The following SPOP variants were observed in gnomAD, a reference collection of about 807,000 sequenced individuals.
The protein encoded by SPOP is speckle type BTB/POZ protein.
A neutral mutation model predicts 45.6 loss-of-function variants in SPOP; 11 were observed. The ratio of observed to expected loss-of-function variants is 0.24; its 90% CI spans 0.15 to 0.40. SPOP has a LOEUF of 0.40. SPOP is among the 10% of genes least tolerant of loss of function. The probability of loss-of-function intolerance (pLI) is 1.00; values close to 1 mark genes in which losing one functional copy is unlikely to be tolerated. For synonymous variants in SPOP, 166 were observed against 166.3 expected (o/e 1.00, Z 0.01); for missense variants, 152 against 465.6 (o/e 0.33, Z 6.20).
intron 1 of SPOP, among the ~76,000 whole-genome samples, chr17:49,625,161 G>A (rs1263221912): frequency 6.6e-6 from 1 of 152,118 alleles, no homozygotes; most frequent in Non-Finnish European, 1.5e-5. Context: ...CTAGAGAAAC[G>A]CTAAACGTGG....
In SPOP at chr17:49,622,044, G is replaced by A; in HGVS notation, c.102C>T (p.Tyr34=). The change falls in exon 3 of 10, where the codon TAC becomes TAT. Residue 34 remains tyrosine, a synonymous_variant. Transcript: ENST00000504102. ...YTQIKVVKFS[Y]MWTINNFSFC... ...AGCTAAAGTTATTGATGGTCCACATGTAGGAGAATTTCACTACCTTGATCT... is the reference window on the plus strand; with the variant it reads ...AGCTAAAGTTATTGATGGTCCACATATAGGAGAATTTCACTACCTTGATCT... The A allele has an allele frequency of 6.2e-7, 1 of 1,613,914 alleles. No homozygotes were observed. Among genetic ancestry groups the A allele is most frequent in the East Asian group, 2.2e-5 (1 of 44,856 alleles).
At chr17:49,641,018 T>G (rs1296221230) in intron 1 of SPOP, among the ~76,000 whole-genome samples, 1 of 152,080 alleles carries the variant, frequency 6.6e-6, no homozygotes, top group Non-Finnish European at 1.5e-5. Flanking sequence ...ATACCAGCAC[T>G]TTGATATGCC....
At chr17:49,602,354 G>A in intron 8 of SPOP, 1 of 194,686 alleles carries the variant, frequency 5.1e-6, no homozygotes, top group Non-Finnish European at 1.1e-5. Context: ...CAATTACAGT[G>A]AGGCATCAGT....
intron 1 of SPOP, among the ~76,000 whole-genome samples, chr17:49,634,894 G>A (rs2072515304): frequency 6.6e-6 from 1 of 152,140 alleles, no homozygotes; most frequent in Admixed American, 6.5e-5. Flanking sequence ...CCTGCTCCAG[G>A]GGATTTGGTC....
At chr17:49,627,478 A>G (rs2072357890) in intron 1 of SPOP, among the ~76,000 whole-genome samples, 2 of 152,226 alleles carry the variant, frequency 1.3e-5, no homozygotes, top group African/African-American at 4.8e-5. Context: ...CAGGGTGGCA[A>G]TGAAGGTTTG....
At chr17:49,667,616 C>A (rs1203358564) in intron 1 of SPOP, among the ~76,000 whole-genome samples, 1 of 152,056 alleles carries the variant, frequency 6.6e-6, no homozygotes, top group African/African-American at 2.4e-5. Flanking sequence ...AAGTATTAGG[C>A]TGCAGAGAGG....
chr17:49,656,855 A>C (rs1368831987), intron 1 of SPOP, among the ~76,000 whole-genome samples: 3 of 152,176 alleles, frequency 2.0e-5, no homozygotes, highest in Admixed American at 2.0e-4. Flanking sequence ...ACAACTTATC[A>C]GATGGAAAGA....
At chr17:49,609,676 CTT>C in intron 6 of SPOP, among the ~76,000 whole-genome samples, 1 of 152,156 alleles carries the variant, frequency 6.6e-6, no homozygotes, top group African/African-American at 2.4e-5. Context: ...TGAAAAACTG[CTT>C]TCATAGCATG....
intron 1 of SPOP, among the ~76,000 whole-genome samples, chr17:49,664,204 T>C (rs1316116781): frequency 6.6e-6 from 1 of 152,228 alleles, no homozygotes; most frequent in African/African-American, 2.4e-5. Context: ...GAGAAGAATA[T>C]GCACAATTGT....
chr17:49,653,719 CA>C (rs568818250), intron 1 of SPOP, among the ~76,000 whole-genome samples: 2 of 148,866 alleles, frequency 1.3e-5, no homozygotes, highest in South Asian at 2.1e-4. Context: ...AGAGTGGGTA[CA>C]AAAAAAACCT....
intron 1 of SPOP, among the ~76,000 whole-genome samples, chr17:49,627,379 C>T (rs1412040317): frequency 2.0e-5 from 3 of 152,158 alleles, no homozygotes; most frequent in African/African-American, 7.2e-5. Flanking sequence ...TTTATTTTTC[C>T]ATTAACAAGT....
intron 1 of SPOP, chr17:49,668,167 C>T (rs367963310): frequency 9.2e-5 from 14 of 152,224 alleles, no homozygotes; most frequent in African/African-American, 3.1e-4. Flanking sequence ...TGTTGCATAA[C>T]AATGTGAATA....
intron 1 of SPOP, among the ~76,000 whole-genome samples, chr17:49,659,855 C>T (rs1318766290): frequency 2.6e-5 from 4 of 152,184 alleles, no homozygotes; most frequent in African/African-American, 7.2e-5. Context: ...ATTCCTATCT[C>T]CCACCCTCAT....
At chr17:49,653,363 AAAAC>A (rs138843541) in intron 1 of SPOP, among the ~76,000 whole-genome samples, 3,777 of 152,008 alleles carry the variant, frequency 0.025, 67 homozygotes, top group Non-Finnish European at 0.042. Flanking sequence ...TTATATCCTC[AAAAC>A]AAACAAACAA....
At chr17:49,618,033 CA>C (rs572190723) in intron 5 of SPOP, among the ~76,000 whole-genome samples, 4 of 152,068 alleles carry the variant, frequency 2.6e-5, no homozygotes, top group Non-Finnish European at 5.9e-5. Context: ...CCCTGCTACT[CA>C]GGTGGTGATA....
At chr17:49,643,219 T>A (rs940272655) in intron 1 of SPOP, among the ~76,000 whole-genome samples, 6 of 152,216 alleles carry the variant, frequency 3.9e-5, no homozygotes, top group Non-Finnish European at 7.3e-5. Context: ...CAGAGTGTGT[T>A]ATTAGAGAAG....
At chr17:49,629,690 A>G (rs1373745540) in intron 1 of SPOP, among the ~76,000 whole-genome samples, 1 of 152,214 alleles carries the variant, frequency 6.6e-6, no homozygotes, top group African/African-American at 2.4e-5. Flanking sequence ...CACCCTCTGA[A>G]AAGTGTTACA....
chr17:49,641,263 C>CCAAA (rs1471499104), intron 1 of SPOP, among the ~76,000 whole-genome samples: 1 of 47,548 alleles, frequency 2.1e-5, no homozygotes, highest in African/African-American at 7.8e-5. Context: ...ACTCTGTCTC[C>CCAAA]AAAAAAAAAA....
At chr17:49,655,887 C>T (rs182290566) in intron 1 of SPOP, among the ~76,000 whole-genome samples, 3 of 152,202 alleles carry the variant, frequency 2.0e-5, no homozygotes, top group Admixed American at 6.5e-5. Flanking sequence ...CTTGGCTCAC[C>T]GCAACCTCCA....
Sources: allele counts gnomAD v4.1 joint callset (sites outside exome capture counted in the v4.1 genomes callset), GRCh38; gene constraint gnomAD v4.1.1; transcripts MANE v1.5; gene names NCBI Gene and HGNC (gene_info 2026-07-23, HGNC 2026-07-21).